The following CTU2 variants were observed in gnomAD, a reference collection of about 807,000 sequenced individuals.
CTU2 encodes cytosolic thiouridylase subunit 2, also known as cytoplasmic tRNA 2-thiolation protein 2.
A neutral mutation model predicts 64.1 loss-of-function variants in CTU2; 80 were observed. That is an observed-to-expected ratio of 1.25 (90% confidence interval 1.04 to 1.50). CTU2 has a LOEUF of 1.50. CTU2 is among the 40% of genes most tolerant of loss of function. The probability of loss-of-function intolerance (pLI) is 0.00; values close to 1 mark genes in which losing one functional copy is unlikely to be tolerated. For synonymous variants in CTU2, 482 were observed against 285.3 expected, an observed-to-expected ratio of 1.69 and a Z score of -6.95; for missense variants, 1,110 against 690.2, an observed-to-expected ratio of 1.61 and a Z score of -6.81.
At position 88,710,079 on chromosome 16, in the gene CTU2, C is replaced by T. The variant is rs953958827; in HGVS notation, c.222+63C>T. 2.6e-5 allele frequency: 42 copies of T among 1,588,542 alleles called. 1 individual carries two copies. In the Middle Eastern group the frequency reaches 1.3e-3, roughly 50 times the overall value. On this transcript the variant is annotated intron_variant, in intron 3 of 14. Coordinates refer to ENST00000453996, the MANE Select transcript of CTU2 (RefSeq NM_001012759.3). Reference sequence around the variant, plus strand: ...GGCCCCTCGAGGTCCCTGCTTGTCCCTCCCACAGGCAGCCTGGCCTGCTGC... The same window carrying T: ...GGCCCCTCGAGGTCCCTGCTTGTCCTTCCCACAGGCAGCCTGGCCTGCTGC...
chr16:88,709,832 T>C lies in CTU2; in HGVS notation c.144-106T>C, dbSNP rs191659458. 4.7e-4 allele frequency: 447 copies of C among 959,298 alleles called. 1 individual carries two copies. Among genetic ancestry groups the C allele is most frequent in the Middle Eastern group, 8.5e-4 (4 of 4,702 alleles). 59.4% of individuals were successfully genotyped at this position (959,298 alleles called of 1,614,324 possible). ...AGAGCCTGGATGTGAAGATGCTGCTTTTAAAGATGGAGATTGGCAAAGGAC... is the reference window on the plus strand; with the variant it reads ...AGAGCCTGGATGTGAAGATGCTGCTCTTAAAGATGGAGATTGGCAAAGGAC... On this transcript the variant is annotated intron_variant, in intron 2 of 14. Coordinates refer to ENST00000453996, the MANE Select transcript of CTU2 (RefSeq NM_001012759.3).
Position 88,710,284 on chromosome 16 carries a change from T to G in CTU2, c.282+2T>G. ...TCCATGGTCTGGCAGGTTCTTGAGG[T>G]GCGTGTTCACCACCCCGTGGGCCCG... On this transcript the variant is annotated splice_donor_variant, in intron 4 of 14. Coordinates refer to ENST00000453996, the MANE Select transcript of CTU2 (RefSeq NM_001012759.3). LOFTEE classifies it high-confidence loss of function. The G allele has an allele frequency of 6.2e-7, 1 of 1,613,866 alleles. No individual in the cohort carries two copies. Among genetic ancestry groups the G allele is most frequent in the South Asian group, 1.1e-5 (1 of 91,084 alleles).
intron 3 of CTU2, 42 bp from the exon 4 acceptor site, chr16:88,710,181 G>C: frequency 6.2e-7 from 1 of 1,612,208 alleles, no homozygotes; most frequent in East Asian, 2.2e-5. Context: ...GTCTGCCTGT[G>C]TTGGAGGTGC....
At chr16:88,707,602 G>A (rs1378990668) in intron 2 of CTU2, among the ~76,000 whole-genome samples, 2 of 152,190 alleles carry the variant, frequency 1.3e-5, no homozygotes, top group Admixed American at 1.3e-4. Context: ...AATCTCGTGT[G>A]AGATGCTTGT....
intron 5 of CTU2, chr16:88,712,044 G>A (rs1276312767): frequency 3.0e-6 from 2 of 670,606 alleles, no homozygotes; most frequent in East Asian, 2.7e-5. Context: ...CCGACTCCCC[G>A]ACCCTTGCTC....
rs964376019 is a variant in CTU2, at chr16:88,713,663, G to C, written c.890G>C (p.Arg297Pro). Residue 297 changes from arginine (R) to proline (P), a missense_variant, in exon 9 of 15, where the codon CGG becomes CCG. Transcript: ENST00000453996. ...LAWDTGFSDERHGDVVVVRPM... is the reference protein window; with the variant it reads ...LAWDTGFSDEPHGDVVVVRPM... Reference sequence around the variant, plus strand: ...CTCCCGCAGGGCTTCTCGGATGAGCGGCACGGGGACGTGGTGGTGGTGCGG... The same window carrying C: ...CTCCCGCAGGGCTTCTCGGATGAGCCGCACGGGGACGTGGTGGTGGTGCGG... The C allele has an allele frequency of 6.2e-7, 1 of 1,612,404 alleles. No homozygotes were observed. Among genetic ancestry groups the C allele is most frequent in the Non-Finnish European group, 8.5e-7 (1 of 1,179,758 alleles).
chr16:88,709,687 G>T, intron 2 of CTU2: 1 of 519,508 alleles, frequency 1.9e-6, no homozygotes, highest in East Asian at 3.4e-5. Flanking sequence ...TTTGCTGGAT[G>T]CAGCCTCCGT....
In CTU2 at chr16:88,712,323, C is replaced by T. The variant is rs141146913; in HGVS notation, c.393C>T (p.Ala131=). 29 of 1,610,228 alleles carry T rather than the reference C, an allele frequency of 1.8e-5. No individual in the cohort carries two copies. Among genetic ancestry groups the T allele is most frequent in the South Asian group, 2.2e-5 (2 of 90,208 alleles). ...TAGAGGAGAGATCAAAGACCCTGGCCGAAGTGAAGCCCATTCTGCAAGCAA... is the reference window on the plus strand; with the variant it reads ...TAGAGGAGAGATCAAAGACCCTGGCTGAAGTGAAGCCCATTCTGCAAGCAA... ...QSLEERSKTL[A]EVKPILQATG... Residue 131 remains alanine (A), a synonymous_variant, in exon 6 of 15, where the codon GCC becomes GCT. Transcript: ENST00000453996.
At chr16:88,713,915 C>G (rs947898441) in intron 9 of CTU2, 137 bp downstream of exon 9, 8 of 1,281,896 alleles carry the variant, frequency 6.2e-6, no homozygotes, top group Non-Finnish European at 7.7e-6. Context: ...GTGCTGCATC[C>G]TCTGAGCCCA....
At chr16:88,714,077 G>A in intron 9 of CTU2, 59 bp from the exon 10 acceptor site, 9 of 1,536,030 alleles carry the variant, frequency 5.9e-6, no homozygotes, top group South Asian at 3.4e-5. Context: ...TGGGGACTCT[G>A]CCCCAGCCTG....
rs1349522245 is a variant in CTU2, at chr16:88,714,657, T to G, written c.1272T>G (p.Thr424=). Residue 424 remains threonine, a synonymous_variant, in exon 12 of 15, where the codon ACT becomes ACG. Transcript: ENST00000453996. ...LSQMQSPIPL[T]ETRTPPGPCC... is the part of the protein sequence containing the mutation. ...AGATGCAGTCACCCATCCCCCTGACTGAGACCCGGACACCCCCGGGGCCCT... is the reference window on the plus strand; with the variant it reads ...AGATGCAGTCACCCATCCCCCTGACGGAGACCCGGACACCCCCGGGGCCCT... The G allele has an allele frequency of 6.2e-7, 1 of 1,612,556 alleles. No homozygotes were observed. Among genetic ancestry groups the G allele is most frequent in the East Asian group, 2.2e-5 (1 of 44,870 alleles).
chr16:88,711,306 C>T (rs763086458), intron 4 of CTU2, among the ~76,000 whole-genome samples: 3 of 152,060 alleles, frequency 2.0e-5, no homozygotes, highest in South Asian at 2.1e-4. Context: ...TGGTCAGAAG[C>T]GTGTGGGATG....
At chr16:88,710,312 C>T (rs761888813) in intron 4 of CTU2, 30 bp downstream of exon 4, 2 of 1,612,234 alleles carry the variant, frequency 1.2e-6, no homozygotes, top group South Asian at 1.1e-5. Flanking sequence ...TGGGCCCGGG[C>T]TGCTGGGCTG....
At chr16:88,707,302 A>T in intron 2 of CTU2, 92 bp downstream of exon 2, 2 of 1,186,536 alleles carry the variant, frequency 1.7e-6, no homozygotes, top group Non-Finnish European at 2.5e-6. Flanking sequence ...AATTCTTTTT[A>T]AAAACATGTA....
chr16:88,715,157 G>T (rs756033165), intron 14 of CTU2, 25 bp from the exon 15 acceptor site: 2 of 1,610,724 alleles, frequency 1.2e-6, no homozygotes, highest in Non-Finnish European at 1.7e-6. Context: ...CTCGGGGCTG[G>T]TGCCCACTGC....
chr16:88,713,282 C>G, intron 7 of CTU2, 30 bp from the exon 8 acceptor site: 1 of 1,579,052 alleles, frequency 6.3e-7, no homozygotes, highest in South Asian at 1.1e-5. Flanking sequence ...TCCTGCACCC[C>G]CCAGGCCCCT....
In CTU2 at chr16:88,714,622, C is replaced by A. The variant is rs761261856; in HGVS notation, c.1237C>A (p.Arg413Ser). 6.2e-7 allele frequency: 1 copy of A among 1,612,664 alleles called. No individual in the cohort carries two copies. The highest frequency in any genetic ancestry group is 1.7e-4 in the Middle Eastern group (1 of 6,060). ...GGCTTTTGGGGCTCAGACCTCCTCG[C>A]GTCTCTCCCAGATGCAGTCACCCAT... is the stretch of plus-strand genomic sequence containing the variant. ...ATAFGAQTSS[R>S]LSQMQSPIPL... Residue 413 changes from arginine to serine, a missense_variant, in exon 12 of 15, where the codon CGT becomes AGT. Coordinates refer to ENST00000453996, the MANE Select transcript of CTU2 (RefSeq NM_001012759.3).
At position 88,713,429 on chromosome 16, in the gene CTU2, C is replaced by G. The variant is rs753981788; in HGVS notation, c.855C>G (p.Ala285=). The part of the protein sequence containing the change: ...LMTNLALGRG[A]FLAWDTGFSD... Reference sequence around the variant, plus strand: ...CCAACCTGGCGCTGGGTCGAGGGGCCTTCCTGGCCTGGGATACGGTAGGCA... The same window carrying G: ...CCAACCTGGCGCTGGGTCGAGGGGCGTTCCTGGCCTGGGATACGGTAGGCA... The change falls in exon 8 of 15, where the codon GCC becomes GCG. Residue 285 remains alanine, a synonymous_variant. Transcript: ENST00000453996. 4 of 1,585,378 alleles carry G rather than the reference C, an allele frequency of 2.5e-6. No homozygotes were observed. In the Admixed American group the frequency reaches 7.8e-5, roughly 31 times the overall value.
At chr16:88,709,408 A>C (rs1911142490) in intron 2 of CTU2, 1 of 153,976 alleles carries the variant, frequency 6.5e-6, no homozygotes, top group Admixed American at 6.4e-5. Flanking sequence ...TAAAGATGCC[A>C]GCTCTGGGGC....
Sources: gnomAD v4.1 joint callset for allele counts (sites outside exome capture counted in the v4.1 genomes callset) on GRCh38, gnomAD v4.1.1 for gene constraint, MANE v1.5 for transcripts, NCBI Gene and HGNC (gene_info 2026-07-23, HGNC 2026-07-21) for gene names.